AGBL4: variants seen among roughly 807,000 people sequenced by gnomAD.
AGBL4 encodes cytosolic carboxypeptidase 6.
Under a neutral mutation model 66.4 loss-of-function variants are expected in AGBL4, and 58 were observed. That is an observed-to-expected ratio of 0.87 (90% CI 0.71 to 1.09). The LOEUF (loss-of-function observed/expected upper bound fraction) is 1.09. Ranked by LOEUF, AGBL4 falls within the 50% of genes least tolerant of loss-of-function variation. The pLI is 0.00. For missense variants in AGBL4, 579 were observed against 631.0 expected, an observed-to-expected ratio of 0.92 and a Z score of 0.88; for synonymous variants, 234 against 222.9, an observed-to-expected ratio of 1.05 and a Z score of -0.44.
chr1:49,870,090 C>T (rs927306913), intron 1 of AGBL4, among the ~76,000 whole-genome samples: 1 of 151,878 alleles, frequency 6.6e-6, no homozygotes, highest in African/African-American at 2.4e-5. Context: ...ATATGTACAA[C>T]TATAATGTAT....
intron 1 of AGBL4, among the ~76,000 whole-genome samples, chr1:49,971,949 G>A (rs1201786284): frequency 1.8e-4 from 6 of 33,854 alleles, no homozygotes; most frequent in South Asian, 9.9e-4. Context: ...ACGGAGTCTC[G>A]CTCTGTCACC....
intron 5 of AGBL4, among the ~76,000 whole-genome samples, chr1:49,037,389 G>A (rs1664751298): frequency 6.6e-6 from 1 of 152,072 alleles, no homozygotes; most frequent in Non-Finnish European, 1.5e-5. Flanking sequence ...GCTTAGAGAT[G>A]TAAGGGTTAA....
chr1:48,738,172 A>G (rs1291797452), intron 6 of AGBL4, among the ~76,000 whole-genome samples: 3 of 152,172 alleles, frequency 2.0e-5, no homozygotes, highest in African/African-American at 7.2e-5. Context: ...TTTACCAATT[A>G]CTGAAATTTT....
chr1:49,266,022 A>G (rs1216074354), intron 3 of AGBL4: 1 of 152,178 alleles, frequency 6.6e-6, no homozygotes, highest in Non-Finnish European at 1.5e-5. Context: ...GATAATCACT[A>G]TGTGAAAAAC....
At chr1:48,888,150 T>A (rs1650554654) in intron 5 of AGBL4, among the ~76,000 whole-genome samples, 1 of 152,174 alleles carries the variant, frequency 6.6e-6, no homozygotes, top group South Asian at 2.1e-4. Context: ...TAGGCTAATT[T>A]ATGTTCACAC....
At chr1:49,662,818 A>C (rs1310730059) in intron 3 of AGBL4, among the ~76,000 whole-genome samples, 1 of 152,170 alleles carries the variant, frequency 6.6e-6, no homozygotes, top group Non-Finnish European at 1.5e-5. Context: ...GAATGAAAGA[A>C]TCAGGCAGTT....
At chr1:48,604,064 C>T (rs552636355) in intron 9 of AGBL4, among the ~76,000 whole-genome samples, 7 of 152,192 alleles carry the variant, frequency 4.6e-5, no homozygotes, top group Non-Finnish European at 8.8e-5. Flanking sequence ...ACCCAGGAGA[C>T]GGAGGTTGCA....
rs148259223 is a variant in AGBL4, at chr1:48,859,226, T to G, written c.634+7965A>C. Among the ~76,000 whole-genome samples, 569 of 152,252 alleles carry G rather than the reference T, an allele frequency of 3.7e-3. 6 individuals carry two copies. The highest frequency in any genetic ancestry group is 0.014 in the Admixed American group (217 of 15,282). On this transcript the variant is annotated intron_variant, in intron 6 of 13. Transcript: ENST00000371839. ...CTGGATGTGTTGAATAACTTCCAAC[T>G]GGCAACACCTGCAAATCCATCCCGA...
intron 4 of AGBL4, chr1:49,187,236 C>T (rs932897088): frequency 6.6e-6 from 1 of 152,190 alleles, no homozygotes; most frequent in South Asian, 2.1e-4. Context: ...TCTTGTTTCT[C>T]GTCAGCACTG....
At chr1:48,697,478 G>A (rs151294100) in intron 6 of AGBL4, among the ~76,000 whole-genome samples, 21 of 152,340 alleles carry the variant, frequency 1.4e-4, no homozygotes, top group African/African-American at 5.1e-4. Context: ...TAGGTAAAGT[G>A]AGGCTGAGAG....
chr1:48,973,970 CA>C (rs1659114836), intron 5 of AGBL4, among the ~76,000 whole-genome samples: 1 of 152,092 alleles, frequency 6.6e-6, no homozygotes, highest in African/African-American at 2.4e-5. Flanking sequence ...CATCTCAGTA[CA>C]TCACAGACTG....
chr1:49,502,358 A>G (rs549713520), intron 3 of AGBL4, among the ~76,000 whole-genome samples: 3 of 152,162 alleles, frequency 2.0e-5, no homozygotes, highest in Admixed American at 6.5e-5. Context: ...TCATATATTC[A>G]TCTATCCTAT....
chr1:49,139,201 C>T (rs1395684114), intron 4 of AGBL4, among the ~76,000 whole-genome samples: 1 of 152,094 alleles, frequency 6.6e-6, no homozygotes, highest in African/African-American at 2.4e-5. Flanking sequence ...GACACAGAAC[C>T]AAACCATATC....
In AGBL4 at chr1:49,193,589, G is replaced by A. The variant is rs1045756627; in HGVS notation, c.377+52181C>T. ...GTCACTCAGGCTGGAGTGCAGTGGC[G>A]TTATCTCTGCTCACTGCAAGCTCCG... On this transcript the variant is annotated intron_variant, in intron 4 of 13. Coordinates refer to ENST00000371839, the MANE Select transcript of AGBL4 (RefSeq NM_032785.4). Among the ~76,000 whole-genome samples the A allele has an allele frequency of 4.9e-4, 74 of 151,068 alleles. 2 individuals are homozygous for A. The highest frequency in any genetic ancestry group is 3.3e-4 in the Admixed American group (5 of 15,180).
intron 1 of AGBL4, among the ~76,000 whole-genome samples, chr1:49,861,135 C>T (rs1482344433): frequency 1.3e-5 from 2 of 152,040 alleles, no homozygotes; most frequent in East Asian, 3.9e-4. Context: ...TTGTGAGTGC[C>T]CACACACCTT....
At chr1:48,943,452 A>G (rs563464177) in intron 5 of AGBL4, among the ~76,000 whole-genome samples, 83 of 152,316 alleles carry the variant, frequency 5.4e-4, no homozygotes, top group African/African-American at 1.8e-3. Context: ...ATGGCTATTT[A>G]AAGGTATTTC....
Position 49,409,732 on chromosome 1 carries a change from A to T in AGBL4, c.283-163868T>A, listed in dbSNP as rs76515562. 0.01 allele frequency among the ~76,000 whole-genome samples: 1,568 copies of T among 152,274 alleles called. 44 individuals are homozygous for T. The East Asian group carries it at 0.12, about 11-fold the overall frequency. ...TATCTATTTCAAAGGATTTATTTTT[A>T]AAAAAACAAGAAAATGGTAGAAAAT... On this transcript the variant is annotated intron_variant, in intron 3 of 13. Coordinates refer to ENST00000371839, the MANE Select transcript of AGBL4 (RefSeq NM_032785.4).
chr1:48,796,990 T>C (rs1033928069), intron 6 of AGBL4, among the ~76,000 whole-genome samples: 2 of 152,174 alleles, frequency 1.3e-5, no homozygotes, highest in Non-Finnish European at 2.9e-5. Flanking sequence ...TAGGGGTCAA[T>C]GATATGCACA....
intron 11 of AGBL4, among the ~76,000 whole-genome samples, chr1:48,572,880 T>C (rs535071326): frequency 2.6e-5 from 4 of 152,302 alleles, no homozygotes; most frequent in African/African-American, 9.6e-5. Context: ...AAGCCGCAGC[T>C]TGTGGTCCCC....
Sources: allele counts gnomAD v4.1 joint callset (sites outside exome capture counted in the v4.1 genomes callset), GRCh38; gene constraint gnomAD v4.1.1; transcripts MANE v1.5; gene names NCBI Gene and HGNC (gene_info 2026-07-23, HGNC 2026-07-21).